Variants in LZTS1 observed in about 807,000 individuals in gnomAD.
The protein encoded by LZTS1 is leucine zipper putative tumor suppressor 1.
In LZTS1, 31 loss-of-function variants were observed where a neutral mutation model predicts 45.8. The observed-to-expected ratio is 0.68, with a 90% CI of 0.51 to 0.91. LZTS1 has a LOEUF of 0.91. LZTS1 is among the 40% of genes least tolerant of loss of function. The pLI is 0.00. For synonymous variants in LZTS1, 359 were observed against 357.3 expected (o/e 1.00, Z -0.05); for missense variants, 821 against 788.9 (o/e 1.04, Z -0.49).
At chr8:20,289,319 A>C (rs1800856066) in intron 1 of LZTS1, 1 of 152,254 alleles carries the variant, frequency 6.6e-6, no homozygotes, top group South Asian at 2.1e-4. Context: ...GTATGGATGT[A>C]ACAGGTTTGC....
chr8:20,251,139 AT>A (rs1220649142), intron 3 of LZTS1, among the ~76,000 whole-genome samples: 16 of 109,426 alleles, frequency 1.5e-4, no homozygotes, highest in African/African-American at 4.8e-4. Flanking sequence ...ATATATATAT[AT>A]ATATATATAA....
In LZTS1 at chr8:20,246,864, C is replaced by G. The variant is rs940876000; in HGVS notation, c.*2858G>C. 1 of 152,190 alleles carries G rather than the reference C, an allele frequency of 6.6e-6. No individual in the cohort carries two copies. Among genetic ancestry groups the G allele is most frequent in the Non-Finnish European group, 1.5e-5 (1 of 68,226 alleles). The allele number at this position is 152,190 out of a possible 1,614,324, so 9.4% of individuals were successfully genotyped here. A position where few individuals can be genotyped will look rare whatever the true frequency, so the allele number is the denominator to read the frequency against. On this transcript the variant is annotated 3_prime_UTR_variant, in exon 4 of 4. Coordinates refer to ENST00000381569, the MANE Select transcript of LZTS1 (RefSeq NM_021020.5). ...GTCAGTGGGTCGGCCAGCAGGCGTG[C>G]CCAGAGGGAAGGGCAGGAAGCCCAC...
chr8:20,248,583 G>A lies in LZTS1; in HGVS notation c.*1139C>T, dbSNP rs143525031. The A allele has an allele frequency of 6.6e-3, 998 of 152,280 alleles. 4 individuals carry two copies. Among genetic ancestry groups the A allele is most frequent in the Non-Finnish European group, 0.012 (785 of 68,142 alleles). The allele number at this position is 152,280 out of a possible 1,614,324, so 9.4% of individuals were successfully genotyped here. On this transcript the variant is annotated 3_prime_UTR_variant, in exon 4 of 4. Coordinates refer to ENST00000381569, the MANE Select transcript of LZTS1 (RefSeq NM_021020.5). ...TCTTTTTCGTCCTGCTTGGGGCTCT[G>A]GCTTCCTGGCGCTCTGAGGAGCCGT...
At position 20,247,349 on chromosome 8, in the gene LZTS1, G is replaced by A. The variant is rs957360097; in HGVS notation, c.*2373C>T. ...CTCTGACTGCTCTTTCCTGGAGTTG[G>A]GGGGGGGTCTCCAGCCTGGGGAGGG... is the stretch of plus-strand genomic sequence containing the variant. On this transcript the variant is annotated 3_prime_UTR_variant, in exon 4 of 4. Transcript: ENST00000381569. 3 of 56,996 alleles carry A rather than the reference G, an allele frequency of 5.3e-5. No homozygotes were observed. The highest frequency in any genetic ancestry group is 2.4e-4 in the Admixed American group (1 of 4,232). 3.5% of individuals were successfully genotyped at this position (56,996 alleles called of 1,614,324 possible).
chr8:20,253,379 T>C lies in LZTS1; in HGVS notation c.552A>G (p.Thr184=). ...SGRNSMSSLP[T]HSTSSSYQLD... ...GCTGGTAGCTGCTGCTGGTGCTGTG[T>C]GTGGGCAGGCTGGACATGGAGTTCC... Residue 184 remains threonine, a synonymous_variant, in exon 3 of 4, where the codon ACA becomes ACG. Coordinates refer to ENST00000381569, the MANE Select transcript of LZTS1 (RefSeq NM_021020.5). 1.9e-6 allele frequency: 3 copies of C among 1,613,236 alleles called. No homozygotes were observed. The highest frequency in any genetic ancestry group is 2.5e-6 in the Non-Finnish European group (3 of 1,179,534).
At chr8:20,303,700 C>A in intron 1 of LZTS1, 40 bp downstream of exon 1, 2 of 985,542 alleles carry the variant, frequency 2.0e-6, no homozygotes, top group Non-Finnish European at 1.2e-6. Context: ...GGGCAGCAGA[C>A]CCTCCAGGGG....
chr8:20,301,258 C>T (rs2128900309), intron 1 of LZTS1, among the ~76,000 whole-genome samples: 1 of 152,240 alleles, frequency 6.6e-6, no homozygotes, highest in South Asian at 2.1e-4. Flanking sequence ...GAGCCAGGGT[C>T]CAGAACCTTA....
chr8:20,301,355 G>T (rs1225511853), intron 1 of LZTS1, among the ~76,000 whole-genome samples: 2 of 151,962 alleles, frequency 1.3e-5, no homozygotes, highest in South Asian at 2.1e-4. Context: ...TACATACCCC[G>T]CAGGGCTGCA....
At chr8:20,276,048 C>T (rs1236372994) in intron 1 of LZTS1, 2 of 152,124 alleles carry the variant, frequency 1.3e-5, no homozygotes, top group East Asian at 1.9e-4. Context: ...CTACCTACTC[C>T]CCCATTATAA....
intron 1 of LZTS1, among the ~76,000 whole-genome samples, chr8:20,272,883 C>A (rs1800501243): frequency 6.6e-6 from 1 of 152,228 alleles, no homozygotes; most frequent in South Asian, 2.1e-4. Context: ...TTTAAACGTG[C>A]ACAAGTCTCC....
intron 1 of LZTS1, among the ~76,000 whole-genome samples, chr8:20,271,879 G>A (rs983615574): frequency 1.3e-5 from 2 of 152,220 alleles, no homozygotes; most frequent in Non-Finnish European, 2.9e-5. Context: ...GTGAAAGCAG[G>A]GCCGGGGCCT....
chr8:20,279,969 CAAAA>C (rs57894688), intron 1 of LZTS1, among the ~76,000 whole-genome samples: 8 of 133,896 alleles, frequency 6.0e-5, no homozygotes, highest in Admixed American at 2.2e-4. Context: ...AACCGTGTCT[CAAAA>C]AAAAAAAAAA....
intron 1 of LZTS1, among the ~76,000 whole-genome samples, chr8:20,293,415 A>G (rs1800931011): frequency 6.6e-6 from 1 of 152,160 alleles, no homozygotes; most frequent in Non-Finnish European, 1.5e-5. Context: ...TCTGCCTGGA[A>G]ATCACACCCA....
At chr8:20,251,103 A>G (rs1436943230) in intron 3 of LZTS1, among the ~76,000 whole-genome samples, 1 of 11,424 alleles carries the variant, frequency 8.8e-5, no homozygotes, top group African/African-American at 5.5e-4. Flanking sequence ...GGGCTAATAT[A>G]TATATATATA....
Position 20,250,304 on chromosome 8 carries a change from C to A in LZTS1, c.1209G>T (p.Thr403=). The part of the protein sequence containing the change: ...LLKQQLKESQ[T]EVNAKASEIL... ...TCTCGCTAGCCTTGGCGTTCACCTC[C>A]GTCTGGGACTCCTTCAGCTGCTGCT... The change falls in exon 4 of 4, where the codon ACG becomes ACT. Residue 403 remains threonine (T), a synonymous_variant. Transcript: ENST00000381569. The A allele has an allele frequency of 6.2e-7, 1 of 1,613,318 alleles. No individual in the cohort carries two copies. Among genetic ancestry groups the A allele is most frequent in the Non-Finnish European group, 8.5e-7 (1 of 1,179,734 alleles).
intron 1 of LZTS1, among the ~76,000 whole-genome samples, chr8:20,277,854 G>A (rs1800615008): frequency 6.6e-6 from 1 of 152,178 alleles, no homozygotes; most frequent in South Asian, 2.1e-4. Flanking sequence ...ATTCCAGCTT[G>A]GTGCAGAGCT....
chr8:20,273,042 A>G (rs1476397484), intron 1 of LZTS1, among the ~76,000 whole-genome samples: 1 of 152,098 alleles, frequency 6.6e-6, no homozygotes, highest in African/African-American at 2.4e-5. Context: ...TGGCTCTTCA[A>G]TCCACAGAGG....
chr8:20,252,641 T>C, intron 3 of LZTS1, 141 bp downstream of exon 3: 1 of 602,776 alleles, frequency 1.7e-6, no homozygotes, highest in Non-Finnish European at 2.5e-6. Context: ...GAGCCCCTTC[T>C]TTGGGTGATA....
chr8:20,249,900 T>G lies in LZTS1; in HGVS notation c.1613A>C (p.Lys538Thr), dbSNP rs1362835450. 3 of 1,614,166 alleles carry G rather than the reference T, an allele frequency of 1.9e-6. No homozygotes were observed. Among genetic ancestry groups the G allele is most frequent in the Non-Finnish European group, 1.7e-6 (2 of 1,180,010 alleles). Residue 538 changes from lysine to threonine, a missense_variant, in exon 4 of 4, where the codon AAG (lysine) becomes ACG (threonine). Transcript: ENST00000381569. ...CAGCTGTTTCTGGTACTGAATCACC[T>G]TCTCCTTCTCCTCCTTCCACACGAG... is the stretch of plus-strand genomic sequence containing the variant. ...ERLVWKEEKE[K>T]VIQYQKQLQQ...
Sources: allele counts gnomAD v4.1 joint callset (sites outside exome capture counted in the v4.1 genomes callset), GRCh38; gene constraint gnomAD v4.1.1; transcripts MANE v1.5; gene names NCBI Gene and HGNC (gene_info 2026-07-23, HGNC 2026-07-21).